FBXL18: variants seen among roughly 807,000 people sequenced by gnomAD.
The protein encoded by FBXL18 is F-box/LRR-repeat protein 18.
A neutral mutation model predicts 46.0 loss-of-function variants in FBXL18; 36 were observed. That is an observed-to-expected ratio of 0.78 (90% confidence interval 0.60 to 1.03). FBXL18 has a LOEUF of 1.03. Among genes scored for constraint, FBXL18 ranks in the 50% least tolerant of loss-of-function variants. FBXL18 has a pLI of 0.00. For missense variants in FBXL18, 977 were observed against 1,004.1 expected (o/e 0.97, Z 0.36); for synonymous variants, 557 against 465.3 (o/e 1.20, Z -2.54).
At chr7:5,473,441 A>C (rs200503831), downstream of FBXL18, among the ~76,000 whole-genome samples, 1 of 147,056 alleles carries the variant, frequency 6.8e-6, no homozygotes, top group African/African-American at 2.5e-5. Flanking sequence ...TCTCTGCCCC[A>C]AACTGACACT....
chr7:5,474,954 C>T (rs1449521450), downstream of FBXL18, among the ~76,000 whole-genome samples: 7 of 146,886 alleles, frequency 4.8e-5, no homozygotes, highest in Admixed American at 2.0e-4. Flanking sequence ...GTGATCCGCC[C>T]GCCTCGGCCT....
chr7:5,513,721 C>T lies in FBXL18; in HGVS notation c.-47G>A, dbSNP rs1216920511. On this transcript the variant is annotated 5_prime_UTR_variant, in exon 1 of 5. Transcript: ENST00000382368. ...CGGCCGCGGGATCCGCAACCCCGTG[C>T]CTCCCACCTGCCCGGCTAGGGATGC... 3.8e-6 allele frequency: 6 copies of T among 1,587,322 alleles called. No individual in the cohort carries two copies. The highest frequency in any genetic ancestry group is 5.1e-6 in the Non-Finnish European group (6 of 1,167,428).
chr7:5,495,375 C>T (rs183829708), intron 3 of FBXL18, among the ~76,000 whole-genome samples: 14 of 152,336 alleles, frequency 9.2e-5, no homozygotes, highest in African/African-American at 2.2e-4. Context: ...GCCCTGGTCA[C>T]GCTCACAGCA....
chr7:5,493,002 C>A (rs574487308), intron 3 of FBXL18, among the ~76,000 whole-genome samples: 28 of 152,262 alleles, frequency 1.8e-4, no homozygotes, highest in African/African-American at 6.5e-4. Flanking sequence ...GCAGAAGGCG[C>A]CACAGGCATG....
chr7:5,464,437 G>A (rs925725509), intron 4 of FBXL18, among the ~76,000 whole-genome samples: 1 of 151,706 alleles, frequency 6.6e-6, no homozygotes, highest in Non-Finnish European at 1.5e-5. Context: ...CCGAGATCAC[G>A]CCACTGGACT....
At chr7:5,467,124 G>A (rs1429287617) in intron 4 of FBXL18, among the ~76,000 whole-genome samples, 1 of 152,152 alleles carries the variant, frequency 6.6e-6, no homozygotes, top group African/African-American at 2.4e-5. Flanking sequence ...GGCGAAGGCG[G>A]GCGGATCACG....
chr7:5,495,653 T>G (rs1165777082), intron 3 of FBXL18, among the ~76,000 whole-genome samples: 2 of 152,044 alleles, frequency 1.3e-5, no homozygotes, highest in Admixed American at 1.3e-4. Context: ...CCAAAGAGAC[T>G]CCGGCCGCCC....
intron 3 of FBXL18, chr7:5,495,906 G>A (rs368361028): frequency 2.7e-4 from 127 of 475,368 alleles, no homozygotes; most frequent in Admixed American, 8.4e-4. Context: ...GGGCTGCTGG[G>A]CACAGGCTGG....
In FBXL18 at chr7:5,476,476, T is replaced by C. The variant is rs1783516920; in HGVS notation, c.*5299A>G. ...TTCAGCGTTTCTGCTTTTTGTTGTT[T>C]GTTTTCTGAGACAGGGTATTGCTCC... On this transcript the variant is annotated 3_prime_UTR_variant, in exon 5 of 5. Coordinates refer to ENST00000382368, the MANE Select transcript of FBXL18 (RefSeq NM_024963.6). 1 of 152,226 alleles carries C rather than the reference T, an allele frequency of 6.6e-6. No individual in the cohort carries two copies. The highest frequency in any genetic ancestry group is 2.1e-4 in the South Asian group (1 of 4,826). 9.4% of individuals were successfully genotyped at this position (152,226 alleles called of 1,614,324 possible). A position where few individuals can be genotyped will look rare whatever the true frequency, so the allele number is the denominator to read the frequency against.
intron 3 of FBXL18, 121 bp from the exon 4 acceptor site, chr7:5,491,570 G>A (rs557228751): frequency 3.4e-5 from 27 of 792,012 alleles, no homozygotes; most frequent in East Asian, 5.4e-5. Flanking sequence ...AGCTGTTCCC[G>A]CCACCTCCCA....
At chr7:5,462,968 AAATATAT>A (rs1344715283) in intron 4 of FBXL18, among the ~76,000 whole-genome samples, 17 of 15,572 alleles carry the variant, frequency 1.1e-3, no homozygotes, top group African/African-American at 2.4e-3. Flanking sequence ...AAAAAAAAAA[AAATATAT>A]ATATATATAT....
chr7:5,513,367 CGGA>C (rs1784590323), intron 1 of FBXL18, among the ~76,000 whole-genome samples: 2 of 151,990 alleles, frequency 1.3e-5, no homozygotes, highest in Admixed American at 1.3e-4. Context: ...AAAGGGGTCT[CGGA>C]GGAGCCTGGA....
rs1783152779 is a variant in FBXL18, at chr7:5,455,010, C to T, written c.2001-7167G>A. 6.6e-6 allele frequency among the ~76,000 whole-genome samples: 1 copy of T among 152,218 alleles called. No individual in the cohort carries two copies. The highest frequency in any genetic ancestry group is 1.5e-5 in the Non-Finnish European group (1 of 68,038). On this transcript the variant is annotated intron_variant and NMD_transcript_variant, in intron 4 of 6. Transcript: ENST00000415009. The surrounding 1 kb of genome is among the most constrained non-coding windows in gnomAD (Gnocchi z 4.6). ...GGAAACCAGAGCCTGGAGGGTGGTG[C>T]TCTAAGAGTGATCCCAGTCACACTG...
At chr7:5,471,237 C>T (rs192372524), downstream of FBXL18, among the ~76,000 whole-genome samples, 126 of 152,304 alleles carry the variant, frequency 8.3e-4, 1 homozygote, top group African/African-American at 2.9e-3. Flanking sequence ...CTGGCTCTTC[C>T]GCCCTCCTCC....
intron 4 of FBXL18, among the ~76,000 whole-genome samples, chr7:5,485,641 C>G (rs1481205367): frequency 6.6e-6 from 1 of 152,080 alleles, no homozygotes; most frequent in African/African-American, 2.4e-5. Flanking sequence ...GGCATGGTGG[C>G]TCACACCTAT....
At chr7:5,474,467 C>T (rs1293603200), downstream of FBXL18, among the ~76,000 whole-genome samples, 1 of 151,586 alleles carries the variant, frequency 6.6e-6, no homozygotes, top group African/African-American at 2.4e-5. Context: ...AGGTGTGTGC[C>T]GCCATGCCCG....
At chr7:5,472,324 G>C (rs1388082995), downstream of FBXL18, among the ~76,000 whole-genome samples, 1 of 152,162 alleles carries the variant, frequency 6.6e-6, no homozygotes, top group Non-Finnish European at 1.5e-5. Context: ...CCTGGCAAGT[G>C]GGGGGTCTGT....
At chr7:5,463,708 A>G (rs1370970035) in intron 4 of FBXL18, among the ~76,000 whole-genome samples, 1 of 51,828 alleles carries the variant, frequency 1.9e-5, no homozygotes, top group Non-Finnish European at 3.4e-5. Context: ...ATATATATTT[A>G]TTTATTTATT....
intron 4 of FBXL18, among the ~76,000 whole-genome samples, chr7:5,484,180 G>T (rs996093998): frequency 6.6e-6 from 1 of 152,170 alleles, no homozygotes; most frequent in Non-Finnish European, 1.5e-5. Flanking sequence ...TTAAGGAGCT[G>T]CTGTCGGCTG....
Sources: allele counts gnomAD v4.1 joint callset (sites outside exome capture counted in the v4.1 genomes callset), GRCh38; gene constraint gnomAD v4.1.1; non-coding constraint Gnocchi (gnomAD v3.1); transcripts MANE v1.5; gene names NCBI Gene and HGNC (gene_info 2026-07-23, HGNC 2026-07-21).